RBFOX1: variants seen among roughly 807,000 people sequenced by gnomAD.
RBFOX1 encodes RNA binding fox-1 homolog 1.
RBFOX1 carries 8 observed loss-of-function variants against 57.7 expected under a neutral mutation model. The ratio of observed to expected loss-of-function variants is 0.14; its 90% CI spans 0.08 to 0.25. RBFOX1 has a LOEUF of 0.25. Ranked by LOEUF, RBFOX1 falls within the 10% of genes least tolerant of loss-of-function variation. RBFOX1 has a pLI of 1.00. For missense variants in RBFOX1, 611 were observed against 548.5 expected, an observed-to-expected ratio of 1.11 and a Z score of -1.14; for synonymous variants, 326 against 222.4, an observed-to-expected ratio of 1.47 and a Z score of -4.15.
intron 4 of RBFOX1, among the ~76,000 whole-genome samples, chr16:7,299,052 C>A (rs887323734): frequency 3.9e-5 from 6 of 152,102 alleles, no homozygotes; most frequent in African/African-American, 1.2e-4. Flanking sequence ...GGACAGATAT[C>A]TAGAATTAGA....
intron 2 of RBFOX1, among the ~76,000 whole-genome samples, chr16:6,329,868 A>T (rs1421431714): frequency 1.3e-5 from 2 of 152,084 alleles, no homozygotes; most frequent in Non-Finnish European, 2.9e-5. Context: ...AACCCAGGAG[A>T]CAGAGGTTGC....
At chr16:6,998,977 T>G (rs1283603403) in intron 3 of RBFOX1, among the ~76,000 whole-genome samples, 1 of 151,474 alleles carries the variant, frequency 6.6e-6, no homozygotes, top group African/African-American at 2.4e-5. Context: ...CAAGCGATTC[T>G]CGTGCCTCGG....
intron 4 of RBFOX1, among the ~76,000 whole-genome samples, chr16:5,916,072 T>G (rs1191163230): frequency 2.6e-5 from 4 of 152,150 alleles, no homozygotes; most frequent in African/African-American, 9.7e-5. Flanking sequence ...TGCAGATTCC[T>G]ACAGACTGTG....
chr16:6,556,173 G>T (rs1232509480), intron 2 of RBFOX1, among the ~76,000 whole-genome samples: 1 of 152,032 alleles, frequency 6.6e-6, no homozygotes, highest in South Asian at 2.1e-4. Context: ...TTATTTAAAC[G>T]TGGGCGGCAT....
chr16:6,347,910 C>T (rs75312617), intron 2 of RBFOX1, among the ~76,000 whole-genome samples: 2,588 of 152,302 alleles, frequency 0.017, 35 homozygotes, highest in South Asian at 0.049. Flanking sequence ...TCATGCAGAT[C>T]ATACAGAAAC....
chr16:7,139,797 C>A (rs1029750546), intron 4 of RBFOX1, among the ~76,000 whole-genome samples: 1 of 151,472 alleles, frequency 6.6e-6, no homozygotes, highest in South Asian at 2.1e-4. Context: ...TTTCAGGGGG[C>A]AGTTTTAGTT....
intron 3 of RBFOX1, among the ~76,000 whole-genome samples, chr16:5,709,446 T>G (rs918875522): frequency 2.6e-5 from 4 of 152,112 alleles, no homozygotes; most frequent in Non-Finnish European, 4.4e-5. Flanking sequence ...ATTTTCGTGA[T>G]GGCATGTTTT....
At chr16:6,677,667 C>G (rs1411637823) in intron 3 of RBFOX1, among the ~76,000 whole-genome samples, 1 of 152,132 alleles carries the variant, frequency 6.6e-6, no homozygotes, top group African/African-American at 2.4e-5. Flanking sequence ...TGGGCTGTTC[C>G]AAAGTTGGAC....
At chr16:5,312,980 T>A (rs1431836307) in intron 1 of RBFOX1, among the ~76,000 whole-genome samples, 1 of 152,186 alleles carries the variant, frequency 6.6e-6, no homozygotes, top group Admixed American at 6.5e-5. Flanking sequence ...TTAATGATGC[T>A]TAGTGCCTTT....
intron 3 of RBFOX1, among the ~76,000 whole-genome samples, chr16:5,706,088 T>C (rs1051624328): frequency 9.2e-5 from 14 of 152,134 alleles, no homozygotes; most frequent in Non-Finnish European, 1.6e-4. Flanking sequence ...TTTTTGTATT[T>C]TTAGTAGAGA....
chr16:5,965,899 A>T (rs1233618397), intron 4 of RBFOX1, among the ~76,000 whole-genome samples: 1 of 152,052 alleles, frequency 6.6e-6, no homozygotes, highest in Non-Finnish European at 1.5e-5. Flanking sequence ...CTCTCATTAT[A>T]AATCAGCTGA....
intron 3 of RBFOX1, among the ~76,000 whole-genome samples, chr16:7,047,580 T>C (rs1387443509): frequency 6.6e-6 from 1 of 151,050 alleles, no homozygotes; most frequent in Non-Finnish European, 1.5e-5. Context: ...TTTATATCTT[T>C]TGTCAAATGT....
chr16:5,460,334 C>T (rs367807621), intron 1 of RBFOX1, among the ~76,000 whole-genome samples: 175 of 152,268 alleles, frequency 1.1e-3, no homozygotes, highest in African/African-American at 3.9e-3. Flanking sequence ...ATCATAAGGA[C>T]TAAACGTTTT....
At chr16:6,174,751 G>C (rs776403560) in intron 1 of RBFOX1, among the ~76,000 whole-genome samples, 2 of 152,202 alleles carry the variant, frequency 1.3e-5, no homozygotes, top group African/African-American at 2.4e-5. Context: ...GCTGGATGGT[G>C]AACTTCAGTG....
chr16:7,486,688 T>C (rs905380844), intron 4 of RBFOX1, among the ~76,000 whole-genome samples: 1 of 151,964 alleles, frequency 6.6e-6, no homozygotes, highest in Non-Finnish European at 1.5e-5. Context: ...CTGGGTGGTA[T>C]CTCCTGCCAT....
intron 4 of RBFOX1, among the ~76,000 whole-genome samples, chr16:7,230,874 G>C (rs1182514671): frequency 6.6e-6 from 1 of 152,108 alleles, no homozygotes; most frequent in Non-Finnish European, 1.5e-5. Context: ...CTGGACTATA[G>C]TTCCTCATTT....
intron 4 of RBFOX1, among the ~76,000 whole-genome samples, chr16:7,218,733 T>C (rs2092474602): frequency 1.3e-5 from 2 of 150,712 alleles, no homozygotes; most frequent in African/African-American, 4.9e-5. Context: ...TTAAAGTGTT[T>C]TTTTTTTTTA....
intron 2 of RBFOX1, among the ~76,000 whole-genome samples, chr16:6,562,343 T>G (rs1159017182): frequency 6.6e-6 from 1 of 152,228 alleles, no homozygotes; most frequent in African/African-American, 2.4e-5. Flanking sequence ...AGTATTCACT[T>G]TATAACATTC....
At chr16:7,341,709 T>G (rs566930035) in intron 4 of RBFOX1, among the ~76,000 whole-genome samples, 1 of 149,462 alleles carries the variant, frequency 6.7e-6, no homozygotes, top group African/African-American at 2.5e-5. Flanking sequence ...CTTCCTTCCT[T>G]CCTTCCTTCC....
Sources: allele counts gnomAD v4.1 joint callset (sites outside exome capture counted in the v4.1 genomes callset), GRCh38; gene constraint gnomAD v4.1.1; transcripts MANE v1.5; gene names NCBI Gene and HGNC (gene_info 2026-07-23, HGNC 2026-07-21).